Variants in ROBO2 observed in about 807,000 individuals in gnomAD.
The protein encoded by ROBO2 is roundabout homolog 2.
In ROBO2, 53 loss-of-function variants were observed where a neutral mutation model predicts 160.8. The ratio of observed to expected loss-of-function variants is 0.33; its 90% confidence interval spans 0.26 to 0.41. The LOEUF is 0.41. Among genes scored for constraint, ROBO2 ranks in the 10% least tolerant of loss-of-function variants. The probability of loss-of-function intolerance (pLI) is 1.00; values close to 1 mark genes in which losing one functional copy is unlikely to be tolerated. For synonymous variants in ROBO2, 664 were observed against 611.7 expected (o/e 1.09, Z -1.26); for missense variants, 1,577 against 1,722.4 (o/e 0.92, Z 1.49).
intron 2 of ROBO2, among the ~76,000 whole-genome samples, chr3:76,029,582 G>T (rs2066853169): frequency 6.6e-6 from 1 of 151,968 alleles, no homozygotes; most frequent in Non-Finnish European, 1.5e-5. Context: ...TGTTCTCATT[G>T]TTCAATTCTC....
At position 76,315,363 on chromosome 3, in the gene ROBO2, A is replaced by G. The variant is rs2071926222; in HGVS notation, c.109+377761A>G. 2.0e-5 allele frequency among the ~76,000 whole-genome samples: 3 copies of G among 152,222 alleles called. No homozygotes were observed. The South Asian group carries it at 6.2e-4, about 32-fold the overall frequency. On this transcript the variant is annotated intron_variant, in intron 2 of 26. Transcript: ENST00000487694. ...ATTACAGCAGCCAGTTATCTAATAT[A>G]TATCTTTGCTAAGCAAAGAAAGCCT... is the stretch of plus-strand genomic sequence containing the variant.
chr3:76,678,812 G>T (rs925074470), intron 2 of ROBO2, among the ~76,000 whole-genome samples: 1 of 152,140 alleles, frequency 6.6e-6, no homozygotes, highest in Middle Eastern at 3.4e-3. Context: ...AGTTAGTTTC[G>T]TTATCCATAA....
chr3:77,410,051 A>T (rs2076579742), intron 2 of ROBO2, among the ~76,000 whole-genome samples: 1 of 152,200 alleles, frequency 6.6e-6, no homozygotes, highest in Non-Finnish European at 1.5e-5. Context: ...TGATCAGTAA[A>T]TTGCATGCAA....
At chr3:77,293,657 GACATAAA>G (rs1389847824) in intron 2 of ROBO2, among the ~76,000 whole-genome samples, 46 of 134,272 alleles carry the variant, frequency 3.4e-4, no homozygotes, top group African/African-American at 1.1e-3. Context: ...AGATCACCCA[GACATAAA>G]GTAAAATTGA....
At chr3:76,303,621 G>A (rs1477993177) in intron 2 of ROBO2, among the ~76,000 whole-genome samples, 1 of 151,898 alleles carries the variant, frequency 6.6e-6, no homozygotes, top group Non-Finnish European at 1.5e-5. Context: ...AAAAAAAGAG[G>A]GAGCAAAATA....
At chr3:77,478,399 G>A (rs1286554059) in intron 3 of ROBO2, among the ~76,000 whole-genome samples, 1 of 152,138 alleles carries the variant, frequency 6.6e-6, no homozygotes, top group Non-Finnish European at 1.5e-5. Context: ...AATCAAAACA[G>A]CTGACTGATT....
rs577859419 is a variant in ROBO2 at position 76,215,418 on chromosome 3, A to G, written c.109+277816A>G. On this transcript the variant is annotated intron_variant, in intron 2 of 26. Transcript: ENST00000487694. The stretch of plus-strand genomic sequence containing the variant: ...AAGAAGTTAAAAACTTTGAAAAAAA[A>G]TTAGACGAATGGCTAACTAGAATAA... 1.4e-3 allele frequency among the ~76,000 whole-genome samples: 213 copies of G among 152,224 alleles called. 1 individual carries two copies. The highest frequency in any genetic ancestry group is 2.7e-3 in the Non-Finnish European group (186 of 68,004).
intron 2 of ROBO2, among the ~76,000 whole-genome samples, chr3:76,527,084 C>A (rs11928625): frequency 6.6e-6 from 1 of 151,732 alleles, no homozygotes; most frequent in African/African-American, 2.4e-5. Context: ...TATTTTTCTA[C>A]TTCATGTCAT....
intron 7 of ROBO2, among the ~76,000 whole-genome samples, chr3:77,549,918 A>G (rs550879418): frequency 9.3e-4 from 142 of 152,092 alleles, no homozygotes; most frequent in Middle Eastern, 3.4e-3. Flanking sequence ...TTGTAAGTAA[A>G]TACAACATAA....
At chr3:77,371,346 G>C (rs1560648912) in intron 2 of ROBO2, among the ~76,000 whole-genome samples, 1 of 152,104 alleles carries the variant, frequency 6.6e-6, no homozygotes, top group Non-Finnish European at 1.5e-5. Context: ...TACATTCAAA[G>C]TCTTTATCCT....
In ROBO2 at chr3:76,945,029, C is replaced by T. The variant is rs56901906; in HGVS notation, c.110-152985C>T. ...TCAGCCTCCCGAGTAGCTGGGACTA[C>T]AGGCGCCCGCCACCACGCCCGGCTA... On this transcript the variant is annotated intron_variant, in intron 2 of 26. Coordinates refer to the ROBO2 transcript ENST00000487694. 7.1e-3 allele frequency among the ~76,000 whole-genome samples: 1,078 copies of T among 152,080 alleles called. 14 individuals carry two copies. The highest frequency in any genetic ancestry group is 0.024 in the African/African-American group (1,010 of 41,480).
intron 2 of ROBO2, among the ~76,000 whole-genome samples, chr3:77,263,155 G>C (rs1335843600): frequency 2.0e-5 from 3 of 152,074 alleles, no homozygotes; most frequent in African/African-American, 7.2e-5. Flanking sequence ...CTGAACTATG[G>C]TGGTAGAAAA....
chr3:76,344,645 C>A (rs1024945162), intron 2 of ROBO2, among the ~76,000 whole-genome samples: 3 of 152,064 alleles, frequency 2.0e-5, no homozygotes, highest in African/African-American at 7.2e-5. Flanking sequence ...AGAAGAGGAA[C>A]AAATGTCTTA....
In ROBO2 at chr3:76,249,411, T is replaced by C. The variant is rs1316223036; in HGVS notation, c.109+311809T>C. ...AAAGTAAAGATTTTAAATAAGAGAA[T>C]TTTAATAAGTGAATTACTTATGATA... On this transcript the variant is annotated intron_variant, in intron 2 of 26. Transcript: ENST00000487694. Among the ~76,000 whole-genome samples, 21 of 152,196 alleles carry C rather than the reference T, an allele frequency of 1.4e-4. 1 individual carries two copies. The highest frequency in any genetic ancestry group is 1.5e-5 in the Non-Finnish European group (1 of 67,992).
intron 2 of ROBO2, among the ~76,000 whole-genome samples, chr3:76,235,262 C>A (rs183020043): frequency 3.9e-5 from 6 of 152,150 alleles, no homozygotes; most frequent in African/African-American, 7.2e-5. Context: ...AACCTCCCCT[C>A]TCTCCCCATG....
At chr3:76,626,117 A>G (rs2089624781) in intron 2 of ROBO2, among the ~76,000 whole-genome samples, 1 of 152,220 alleles carries the variant, frequency 6.6e-6, no homozygotes, top group African/African-American at 2.4e-5. Context: ...TAAGAATAAG[A>G]TAATTCCAAA....
chr3:76,969,866 A>G (rs942909613), intron 2 of ROBO2, among the ~76,000 whole-genome samples: 1 of 152,028 alleles, frequency 6.6e-6, no homozygotes, highest in African/African-American at 2.4e-5. Context: ...GGCTAGTTCT[A>G]GAATGTTTTT....
intron 2 of ROBO2, among the ~76,000 whole-genome samples, chr3:76,042,477 A>G (rs756294119): frequency 6.6e-6 from 1 of 152,080 alleles, no homozygotes; most frequent in Non-Finnish European, 1.5e-5. Context: ...GATTATTTAC[A>G]TAGGTTTAAG....
intron 2 of ROBO2, among the ~76,000 whole-genome samples, chr3:76,968,885 G>T (rs2149272273): frequency 6.6e-6 from 1 of 152,240 alleles, no homozygotes; most frequent in South Asian, 2.1e-4. Flanking sequence ...TTTTTCAAGA[G>T]TTGGTATTTC....
Sources: allele counts gnomAD v4.1 joint callset (sites outside exome capture counted in the v4.1 genomes callset), GRCh38; gene constraint gnomAD v4.1.1; transcripts MANE v1.5; gene names NCBI Gene and HGNC (gene_info 2026-07-23, HGNC 2026-07-21).